TENM3: variants seen among roughly 807,000 people sequenced by gnomAD.
TENM3 encodes the protein teneurin-3.
In TENM3, 63 loss-of-function variants were observed where a neutral mutation model predicts 255.1. The observed-to-expected ratio is 0.25, with a 90% CI of 0.20 to 0.30. The LOEUF is 0.30. Ranked by LOEUF, TENM3 falls within the 10% of genes least tolerant of loss-of-function variation. The pLI, the probability that TENM3 is intolerant of heterozygous loss-of-function variation, is 1.00. For missense variants in TENM3, 2,929 were observed against 3,461.1 expected, an observed-to-expected ratio of 0.85 and a Z score of 3.86; for synonymous variants, 1,306 against 1,322.3, an observed-to-expected ratio of 0.99 and a Z score of 0.27.
the TENM3 span, among the ~76,000 whole-genome samples, chr4:182,076,269 A>C: frequency 7.3e-6 from 1 of 136,262 alleles, no homozygotes; most frequent in African/African-American, 2.8e-5. Context: ...GGTTGGCATG[A>C]TCTTGGCTCA....
At chr4:181,531,999 G>A in the TENM3 span, among the ~76,000 whole-genome samples, 1 of 152,130 alleles carries the variant, frequency 6.6e-6, no homozygotes, top group Non-Finnish European at 1.5e-5. Flanking sequence ...AGTGGGAGTT[G>A]GCTAGCTGAT....
chr4:182,346,937 T>C lies in TENM3; in HGVS notation c.511+8T>C, dbSNP rs1764858668. 7.8e-6 allele frequency: 12 copies of C among 1,543,046 alleles called. No individual in the cohort carries two copies. The highest frequency in any genetic ancestry group is 1.1e-5 in the Non-Finnish European group (12 of 1,135,122). ...AGTCCGACAGTGAGAATGGTAAGTT[T>C]CCTTTTTGGCTTTATAATGTTGGCA... On this transcript the variant is annotated splice_region_variant and intron_variant, in intron 3 of 27. Transcript: ENST00000511685.
chr4:182,399,012 A>G (rs762303971), intron 3 of TENM3, among the ~76,000 whole-genome samples: 6 of 152,126 alleles, frequency 3.9e-5, no homozygotes, highest in Non-Finnish European at 8.8e-5. Context: ...ACAGTCCCGA[A>G]CTCGGTCTTG....
chr4:182,473,399 T>A (rs569438364), intron 3 of TENM3, among the ~76,000 whole-genome samples: 1 of 152,154 alleles, frequency 6.6e-6, no homozygotes, highest in Non-Finnish European at 1.5e-5. Context: ...ACTGGCCGGG[T>A]GCCGTGGCTC....
At chr4:181,469,822 C>T in the TENM3 span, among the ~76,000 whole-genome samples, 1 of 151,852 alleles carries the variant, frequency 6.6e-6, no homozygotes, top group African/African-American at 2.4e-5. Context: ...ATTGTTATAC[C>T]TGAGACTCGT....
At chr4:181,671,656 G>A in the TENM3 span, among the ~76,000 whole-genome samples, 1 of 152,130 alleles carries the variant, frequency 6.6e-6, no homozygotes, top group African/African-American at 2.4e-5. Flanking sequence ...TGTCCAAGCA[G>A]CGTACAATAA....
At chr4:182,694,346 G>A (rs773948532) in intron 12 of TENM3, among the ~76,000 whole-genome samples, 24 of 152,024 alleles carry the variant, frequency 1.6e-4, no homozygotes, top group Admixed American at 7.2e-4. Flanking sequence ...ACTCCAGGAC[G>A]CAAGCAATCC....
the TENM3 span, among the ~76,000 whole-genome samples, chr4:182,041,417 G>GA: frequency 1.1e-4 from 16 of 152,024 alleles, no homozygotes; most frequent in African/African-American, 3.4e-4. Flanking sequence ...TAAACTACTG[G>GA]AAAAAAAGCA....
intron 3 of TENM3, among the ~76,000 whole-genome samples, chr4:182,358,915 GT>G (rs1268861351): frequency 1.3e-5 from 2 of 151,802 alleles, no homozygotes; most frequent in African/African-American, 4.8e-5. Flanking sequence ...TTTATTAAGA[GT>G]TTTTAGCGTG....
At chr4:181,859,770 A>G in the TENM3 span, among the ~76,000 whole-genome samples, 1 of 152,130 alleles carries the variant, frequency 6.6e-6, no homozygotes, top group Non-Finnish European at 1.5e-5. Flanking sequence ...AATTGATCAT[A>G]TGCGTTTCTA....
chr4:182,044,233 C>T, the TENM3 span, among the ~76,000 whole-genome samples: 1 of 151,372 alleles, frequency 6.6e-6, no homozygotes, highest in Admixed American at 6.6e-5. Context: ...TGGAAAAGCA[C>T]AAAAAAAGAA....
At chr4:182,593,472 T>G (rs1234168419) in intron 3 of TENM3, among the ~76,000 whole-genome samples, 1 of 152,196 alleles carries the variant, frequency 6.6e-6, no homozygotes, top group East Asian at 1.9e-4. Context: ...TTTTGATGAC[T>G]GACTTTACTC....
At chr4:181,654,783 C>T in the TENM3 span, among the ~76,000 whole-genome samples, 1 of 148,890 alleles carries the variant, frequency 6.7e-6, no homozygotes, top group Middle Eastern at 3.6e-3. Flanking sequence ...AAGAAGTGGT[C>T]CTCAGATCAC....
chr4:182,717,870 C>G (rs567606772), intron 13 of TENM3, among the ~76,000 whole-genome samples: 1 of 152,266 alleles, frequency 6.6e-6, no homozygotes, highest in African/African-American at 2.4e-5. Context: ...ACACTGTGAT[C>G]ATGAAGTTGC....
At chr4:182,492,702 A>T (rs1389734966) in intron 3 of TENM3, among the ~76,000 whole-genome samples, 1 of 152,164 alleles carries the variant, frequency 6.6e-6, no homozygotes, top group Non-Finnish European at 1.5e-5. Context: ...GGTTACTGGA[A>T]GTTTTGCTCG....
the TENM3 span, among the ~76,000 whole-genome samples, chr4:181,481,320 C>A: frequency 9.1e-3 from 1,392 of 152,188 alleles, 10 homozygotes; most frequent in Non-Finnish European, 0.014. Context: ...CCGATGCTAT[C>A]CAGGCTCTGT....
At chr4:182,701,269 G>A (rs1757849662) in intron 12 of TENM3, among the ~76,000 whole-genome samples, 1 of 123,530 alleles carries the variant, frequency 8.1e-6, no homozygotes, top group Non-Finnish European at 1.6e-5. Flanking sequence ...TGCCCAGGCT[G>A]GAGAGCAGTG....
At chr4:181,483,076 A>G in the TENM3 span, among the ~76,000 whole-genome samples, 2 of 152,146 alleles carry the variant, frequency 1.3e-5, no homozygotes, top group African/African-American at 4.8e-5. Context: ...CTGTGAGTGG[A>G]TAATTCTGAG....
At chr4:182,459,524 G>A (rs931719485) in intron 3 of TENM3, among the ~76,000 whole-genome samples, 2 of 151,900 alleles carry the variant, frequency 1.3e-5, no homozygotes, top group Non-Finnish European at 2.9e-5. Context: ...AACAAGATTC[G>A]TGGCCTTTTT....
Sources: allele counts gnomAD v4.1 joint callset (sites outside exome capture counted in the v4.1 genomes callset), GRCh38; gene constraint gnomAD v4.1.1; transcripts MANE v1.5; gene names NCBI Gene and HGNC (gene_info 2026-07-23, HGNC 2026-07-21).